Variants in PIEZO2 observed in about 807,000 individuals in gnomAD.
PIEZO2 encodes the protein piezo-type mechanosensitive ion channel component 2.
In PIEZO2, 172 loss-of-function variants were observed where a neutral mutation model predicts 337.3. That is an observed-to-expected ratio of 0.51 (90% CI 0.45 to 0.58). The LOEUF is 0.58. Ranked by LOEUF, PIEZO2 falls within the 20% of genes least tolerant of loss-of-function variation. The pLI is 0.00. For missense variants in PIEZO2, 3,028 were observed against 3,391.3 expected (o/e 0.89, Z 2.66); for synonymous variants, 1,251 against 1,228.5 (o/e 1.02, Z -0.38).
intron 4 of PIEZO2, among the ~76,000 whole-genome samples, chr18:10,902,129 G>A (rs1395158714): frequency 1.3e-5 from 2 of 152,176 alleles, no homozygotes; most frequent in Non-Finnish European, 2.9e-5. Context: ...AGGGATCTAG[G>A]TTGCATGCTC....
At chr18:11,145,360 G>T (rs551313550) in intron 1 of PIEZO2, among the ~76,000 whole-genome samples, 163 of 151,744 alleles carry the variant, frequency 1.1e-3, no homozygotes, top group Non-Finnish European at 1.9e-3. Context: ...TACGGAAAAA[G>T]AAAAAAAATC....
In PIEZO2 at chr18:10,681,741, T is replaced by C. The variant is rs754042604; in HGVS notation, c.7699A>G (p.Met2567Val). The C allele has an allele frequency of 6.2e-7, 1 of 1,609,304 alleles. No homozygotes were observed. Among genetic ancestry groups the C allele is most frequent in the Non-Finnish European group, 8.5e-7 (1 of 1,175,600 alleles). Residue 2567 changes from methionine (M) to valine (V), a missense_variant, in exon 51 of 56, where the codon ATG becomes GTG. Met to Val is a conservative substitution (Grantham distance 21). Coordinates refer to ENST00000674853, the MANE Select transcript of PIEZO2 (RefSeq NM_001378183.1). ...TTCAACTGGCTTTGTTGGGCACTCA[T>C]TGTGAAAATAGGCTGGAAAACAAAG... The part of the protein sequence containing the change: ...TLGGYQPIFT[M>V]SAQQSQLKVM...
intron 4 of PIEZO2, among the ~76,000 whole-genome samples, chr18:10,906,890 C>T (rs1003025604): frequency 5.9e-5 from 9 of 152,002 alleles, no homozygotes; most frequent in African/African-American, 9.7e-5. Flanking sequence ...TGTCTTTTGT[C>T]GCCTTCCTGA....
chr18:10,752,234 A>G (rs1279590609), intron 28 of PIEZO2, among the ~76,000 whole-genome samples: 1 of 152,228 alleles, frequency 6.6e-6, no homozygotes, highest in Non-Finnish European at 1.5e-5. Context: ...CTTTCTAGAT[A>G]AGAGCGTTGC....
intron 3 of PIEZO2, among the ~76,000 whole-genome samples, chr18:10,934,790 A>G (rs945581116): frequency 6.6e-6 from 1 of 152,110 alleles, no homozygotes; most frequent in Non-Finnish European, 1.5e-5. Flanking sequence ...CTGACCCAGC[A>G]GGATAATTTC....
intron 5 of PIEZO2, among the ~76,000 whole-genome samples, chr18:10,858,005 CTTTTT>C (rs113821994): frequency 1.4e-4 from 19 of 138,906 alleles, no homozygotes; most frequent in African/African-American, 2.9e-4. Flanking sequence ...TTCTTTCTTT[CTTTTT>C]TTTTTTTTTT....
chr18:11,010,961 C>T (rs1451408467), intron 2 of PIEZO2, among the ~76,000 whole-genome samples: 1 of 152,188 alleles, frequency 6.6e-6, no homozygotes, highest in African/African-American at 2.4e-5. Flanking sequence ...TTTCAATGTG[C>T]TAAATTGATG....
In PIEZO2 at chr18:10,859,315, T is replaced by A. The variant is rs935298427; in HGVS notation, c.493-2104A>T. 2.0e-5 allele frequency among the ~76,000 whole-genome samples: 3 copies of A among 152,062 alleles called. No individual in the cohort carries two copies. The highest frequency in any genetic ancestry group is 7.2e-5 in the African/African-American group (3 of 41,404). On this transcript the variant is annotated intron_variant, in intron 5 of 55. Coordinates refer to ENST00000674853, the MANE Select transcript of PIEZO2 (RefSeq NM_001378183.1). This position sits in a 1 kb window ranked among gnomAD's most constrained non-coding sequence, Gnocchi z 4.9. ...CACTTCCGCTCCCCTAGAGAACAAT[T>A]CCCATCTCATTCTCAGAGGATGACC...
chr18:11,030,655 C>G (rs888111924), intron 2 of PIEZO2, among the ~76,000 whole-genome samples: 1 of 152,080 alleles, frequency 6.6e-6, no homozygotes, highest in Non-Finnish European at 1.5e-5. Context: ...GCTGGTCCCT[C>G]GAGATATATG....
intron 47 of PIEZO2, among the ~76,000 whole-genome samples, chr18:10,693,356 T>TTCTGTGTGTG (rs1555625694): frequency 2.2e-5 from 2 of 89,974 alleles, no homozygotes; most frequent in Non-Finnish European, 5.5e-5. Flanking sequence ...AATCTGGATT[T>TTCTGTGTGTG]TGTGTGTGTG....
chr18:11,062,812 G>A (rs1167190366), intron 2 of PIEZO2, among the ~76,000 whole-genome samples: 1 of 152,126 alleles, frequency 6.6e-6, no homozygotes, highest in Non-Finnish European at 1.5e-5. Flanking sequence ...ACTGTTGGTG[G>A]GACTGTAAAC....
chr18:11,067,308 A>AT (rs1282990670), intron 1 of PIEZO2, among the ~76,000 whole-genome samples: 3 of 152,140 alleles, frequency 2.0e-5, no homozygotes, highest in South Asian at 2.1e-4. Context: ...AAAAAATAAC[A>AT]TTTTTTTCCT....
At chr18:10,977,437 A>G (rs1420220813) in intron 3 of PIEZO2, among the ~76,000 whole-genome samples, 5 of 152,136 alleles carry the variant, frequency 3.3e-5, no homozygotes, top group African/African-American at 9.7e-5. Flanking sequence ...CTTTAGTTAT[A>G]AGATTCTTCC....
intron 51 of PIEZO2, among the ~76,000 whole-genome samples, chr18:10,681,163 A>T (rs1305894364): frequency 2.6e-5 from 4 of 152,226 alleles, no homozygotes; most frequent in Non-Finnish European, 5.9e-5. Context: ...TAAAATGAAA[A>T]GTAGAAGCTC....
intron 3 of PIEZO2, among the ~76,000 whole-genome samples, chr18:10,919,690 GA>G (rs1223195255): frequency 6.6e-6 from 1 of 151,860 alleles, no homozygotes; most frequent in Non-Finnish European, 1.5e-5. Flanking sequence ...ACTCTCAAAA[GA>G]AACATGAATC....
chr18:10,936,232 A>C (rs1487740034), intron 3 of PIEZO2, among the ~76,000 whole-genome samples: 1 of 152,170 alleles, frequency 6.6e-6, no homozygotes, highest in Non-Finnish European at 1.5e-5. Context: ...CTTACTTTCT[A>C]GTCAGCATAG....
chr18:11,088,607 G>A (rs931820587), intron 1 of PIEZO2, among the ~76,000 whole-genome samples: 2 of 152,204 alleles, frequency 1.3e-5, no homozygotes, highest in Non-Finnish European at 2.9e-5. Context: ...GCAGAACACA[G>A]AAGGTTCCCT....
At chr18:10,733,974 A>C (rs1451278295) in intron 35 of PIEZO2, among the ~76,000 whole-genome samples, 1 of 152,202 alleles carries the variant, frequency 6.6e-6, no homozygotes, top group African/African-American at 2.4e-5. Context: ...TTTACTAACA[A>C]CTTATGTGAA....
Position 10,677,390 on chromosome 18 carries a change from G to T in PIEZO2, c.8081+357C>A. On this transcript the variant is annotated intron_variant, in intron 53 of 55. Coordinates refer to ENST00000674853, the MANE Select transcript of PIEZO2 (RefSeq NM_001378183.1). The surrounding 1 kb of genome is among the most constrained non-coding windows in gnomAD (Gnocchi z 4.1). ...GCACCACCACGCTTAGCTAATCTTT[G>T]TATTTTCAGTAGAGACAGGGTTTCA... is the stretch of plus-strand genomic sequence containing the variant. The T allele has an allele frequency of 4.7e-6, 1 of 211,796 alleles. No homozygotes were observed. The highest frequency in any genetic ancestry group is 9.4e-6 in the Non-Finnish European group (1 of 106,190). The allele number at this position is 211,796 out of a possible 1,614,324, so 13.1% of individuals were successfully genotyped here.
Sources: allele counts gnomAD v4.1 joint callset (sites outside exome capture counted in the v4.1 genomes callset), GRCh38; gene constraint gnomAD v4.1.1; non-coding constraint Gnocchi (gnomAD v3.1); transcripts MANE v1.5; gene names NCBI Gene and HGNC (gene_info 2026-07-23, HGNC 2026-07-21).